Variants in CTNNA2 observed in about 807,000 individuals in gnomAD.
The protein encoded by CTNNA2 is catenin alpha 2.
Under a neutral mutation model 101.0 loss-of-function variants are expected in CTNNA2, and 42 were observed. The observed-to-expected ratio is 0.42, with a 90% confidence interval of 0.32 to 0.54. The LOEUF (loss-of-function observed/expected upper bound fraction) is 0.54, where lower values mean the gene tolerates loss of function less well. CTNNA2 is among the 20% of genes least tolerant of loss of function. The probability of loss-of-function intolerance (pLI) is 0.14; values close to 1 mark genes in which losing one functional copy is unlikely to be tolerated. For missense variants in CTNNA2, 871 were observed against 1,223.1 expected, an observed-to-expected ratio of 0.71 and a Z score of 4.29; for synonymous variants, 450 against 456.4, an observed-to-expected ratio of 0.99 and a Z score of 0.18.
intron 7 of CTNNA2, among the ~76,000 whole-genome samples, chr2:80,221,097 G>T (rs920105130): frequency 6.6e-6 from 1 of 152,130 alleles, no homozygotes; most frequent in Non-Finnish European, 1.5e-5. Flanking sequence ...TGGCCAGGCT[G>T]GTCTCCAACG....
At chr2:79,416,782 C>T (rs1364645279) in intron 4 of CTNNA2, among the ~76,000 whole-genome samples, 1 of 152,074 alleles carries the variant, frequency 6.6e-6, no homozygotes, top group East Asian at 1.9e-4. Flanking sequence ...TTTCTACATC[C>T]ATGCCTAGGG....
chr2:80,497,988 T>C lies in CTNNA2; in HGVS notation c.1291-46994T>C, dbSNP rs182806479. ...CTACTCTATGCTGAACTCCTAACCA[T>C]GGAAACTGTGAGATAATAAACGTGG... On this transcript the variant is annotated intron_variant, in intron 9 of 18. Transcript: ENST00000402739. Among the ~76,000 whole-genome samples the C allele has an allele frequency of 5.1e-4, 78 of 152,296 alleles. No homozygotes were observed. The Middle Eastern group carries it at 0.017, about 33-fold the overall frequency.
At chr2:79,220,894 G>A (rs528181152) in intron 2 of CTNNA2, among the ~76,000 whole-genome samples, 6 of 152,150 alleles carry the variant, frequency 3.9e-5, no homozygotes, top group Admixed American at 2.0e-4. Context: ...TTTCTCAATC[G>A]GAAGGGATCA....
chr2:80,619,546 C>T (rs1041091405), intron 18 of CTNNA2, among the ~76,000 whole-genome samples: 2 of 151,862 alleles, frequency 1.3e-5, no homozygotes, highest in Non-Finnish European at 2.9e-5. Flanking sequence ...GTGAGCTTCA[C>T]TAAGGAAGGG....
chr2:80,199,291 C>T (rs1707049439), intron 7 of CTNNA2, among the ~76,000 whole-genome samples: 1 of 146,448 alleles, frequency 6.8e-6, no homozygotes, highest in Non-Finnish European at 1.5e-5. Context: ...CATATATTTT[C>T]AATTGTCTGT....
Position 79,860,546 on chromosome 2 carries a change from G to GTTTTTTTTTTTTTTT in CTNNA2, c.465+2372_465+2386dup, listed in dbSNP as rs56929879. Among the ~76,000 whole-genome samples, 81 of 107,182 alleles carry GTTTTTTTTTTTTTTT rather than the reference G, an allele frequency of 7.6e-4. 3 individuals are homozygous for GTTTTTTTTTTTTTTT. The highest frequency in any genetic ancestry group is 2.8e-3 in the African/African-American group (75 of 27,082). 70.3% of individuals were successfully genotyped at this position (107,182 alleles called of 152,430 possible). ...TTCTCCACACAGCCGAGTAAGGGAA[G>GTTTTTTTTTTTTTTT]TTTTTTTTTTTTTTTTTTTAACGAT... On this transcript the variant is annotated intron_variant, in intron 4 of 18. Coordinates refer to ENST00000402739, the MANE Select transcript of CTNNA2 (RefSeq NM_001282597.3).
At chr2:80,314,665 C>T (rs1421869561) in intron 7 of CTNNA2, among the ~76,000 whole-genome samples, 4 of 152,120 alleles carry the variant, frequency 2.6e-5, no homozygotes, top group African/African-American at 4.8e-5. Flanking sequence ...GCAAAGGAAA[C>T]GTGTAAGGAT....
intron 1 of CTNNA2, among the ~76,000 whole-genome samples, chr2:79,192,974 C>G (rs1673894890): frequency 6.6e-6 from 1 of 152,118 alleles, no homozygotes. Context: ...TTTCCTCCTC[C>G]CTTCAAGTTA....
chr2:79,699,831 A>T (rs7566224), intron 2 of CTNNA2, among the ~76,000 whole-genome samples: 3 of 75,024 alleles, frequency 4.0e-5, no homozygotes, highest in Non-Finnish European at 8.2e-5. Flanking sequence ...ACACACACAC[A>T]CGTGTGTGTA....
intron 2 of CTNNA2, among the ~76,000 whole-genome samples, chr2:79,725,436 C>T (rs1402174467): frequency 6.6e-6 from 1 of 152,184 alleles, no homozygotes; most frequent in Non-Finnish European, 1.5e-5. Context: ...ATCAAAAAAT[C>T]CATCACAAAG....
intron 2 of CTNNA2, among the ~76,000 whole-genome samples, chr2:79,671,463 G>A (rs1035564747): frequency 2.0e-4 from 31 of 151,914 alleles, no homozygotes; most frequent in Non-Finnish European, 4.1e-4. Flanking sequence ...TATCAATAAA[G>A]CACATAGTTT....
chr2:79,624,949 T>C (rs1679214788), intron 1 of CTNNA2, among the ~76,000 whole-genome samples: 1 of 152,134 alleles, frequency 6.6e-6, no homozygotes, highest in African/African-American at 2.4e-5. Flanking sequence ...CAGAGCATAC[T>C]TTTTGCTCTT....
chr2:80,235,696 A>G (rs1709513956), intron 7 of CTNNA2, among the ~76,000 whole-genome samples: 2 of 152,240 alleles, frequency 1.3e-5, no homozygotes, highest in South Asian at 4.1e-4. Context: ...TTACAGACAC[A>G]GTCCAGTGAA....
At chr2:79,788,050 T>C (rs1037608422) in intron 3 of CTNNA2, among the ~76,000 whole-genome samples, 2 of 152,086 alleles carry the variant, frequency 1.3e-5, no homozygotes, top group African/African-American at 4.8e-5. Context: ...CACTAGAGGG[T>C]ATGTCCGACA....
intron 7 of CTNNA2, among the ~76,000 whole-genome samples, chr2:80,002,054 T>C (rs1236881169): frequency 6.6e-6 from 1 of 152,224 alleles, no homozygotes; most frequent in Non-Finnish European, 1.5e-5. Flanking sequence ...CAATGTGTTT[T>C]TTAAGTGCTT....
At chr2:79,269,891 G>T (rs1353804593) in intron 2 of CTNNA2, among the ~76,000 whole-genome samples, 2 of 152,118 alleles carry the variant, frequency 1.3e-5, no homozygotes, top group East Asian at 3.9e-4. Context: ...ATGAAATGCT[G>T]TCAGAGAGAT....
intron 9 of CTNNA2, among the ~76,000 whole-genome samples, chr2:80,434,457 ATTG>A (rs1301703668): frequency 1.5e-5 from 2 of 135,372 alleles, no homozygotes; most frequent in Non-Finnish European, 3.2e-5. Context: ...GATTGTTGTC[ATTG>A]TTGTCTGTCT....
chr2:79,231,686 A>T (rs944410251), intron 2 of CTNNA2, among the ~76,000 whole-genome samples: 1 of 152,162 alleles, frequency 6.6e-6, no homozygotes, highest in Non-Finnish European at 1.5e-5. Flanking sequence ...CTTCCAATCC[A>T]TGAGCATGGA....
intron 3 of CTNNA2, among the ~76,000 whole-genome samples, chr2:79,775,619 C>T: frequency 6.6e-6 from 1 of 152,096 alleles, no homozygotes; most frequent in African/African-American, 2.4e-5. Context: ...GCATTAAAAA[C>T]AAAAACAAAA....
Sources: gnomAD v4.1 joint callset for allele counts (sites outside exome capture counted in the v4.1 genomes callset) on GRCh38, gnomAD v4.1.1 for gene constraint, MANE v1.5 for transcripts, NCBI Gene and HGNC (gene_info 2026-07-23, HGNC 2026-07-21) for gene names.